CACNG3: variants seen among roughly 807,000 people sequenced by gnomAD.
CACNG3 encodes voltage-dependent calcium channel gamma-3 subunit.
A neutral mutation model predicts 28.5 loss-of-function variants in CACNG3; 3 were observed. That is an observed-to-expected ratio of 0.11 (90% confidence interval 0.05 to 0.27). CACNG3 has a LOEUF of 0.27. CACNG3 is among the 10% of genes least tolerant of loss of function. The pLI, the probability that CACNG3 is intolerant of heterozygous loss-of-function variation, is 1.00. For missense variants in CACNG3, 236 were observed against 414.4 expected (o/e 0.57, Z 3.74); for synonymous variants, 174 against 162.2 (o/e 1.07, Z -0.55).
chr16:24,328,853 C>T (rs765907679), intron 1 of CACNG3, among the ~76,000 whole-genome samples: 12 of 152,186 alleles, frequency 7.9e-5, no homozygotes, highest in East Asian at 1.9e-4. Flanking sequence ...TTCCAAAATG[C>T]GTCTGCGTCC....
Position 24,346,808 on chromosome 16 carries a change from T to C in CACNG3, c.286T>C (p.Tyr96His). 1.4e-5 allele frequency: 23 copies of C among 1,613,934 alleles called. No individual in the cohort carries two copies. Among genetic ancestry groups the C allele is most frequent in the Non-Finnish European group, 1.9e-5 (23 of 1,179,794 alleles). The change falls in exon 2 of 4, where the codon TAT (tyrosine) becomes CAT (histidine). Residue 96 changes from tyrosine (Y) to histidine (H), a missense_variant. Physicochemically the swap from Tyr to His is moderately conservative, Grantham distance 83. Coordinates refer to ENST00000005284, the MANE Select transcript of CACNG3 (RefSeq NM_006539.4). ...TGACTACGAACAGGACACAGCCGAA[T>C]ATCTCCTGCGTAAGTTCCCCGGCTT... The part of the protein sequence containing the change: ...DADYEQDTAE[Y>H]LLRAVRASSV...
At position 24,361,078 on chromosome 16, in the gene CACNG3, G is replaced by A. The variant is rs950865350; in HGVS notation, c.437-274G>A. Among the ~76,000 whole-genome samples the A allele has an allele frequency of 6.6e-6, 1 of 152,160 alleles. No homozygotes were observed. The highest frequency in any genetic ancestry group is 1.5e-5 in the Non-Finnish European group (1 of 68,024). Reference sequence around the variant, plus strand: ...TTGATGAGATGAATTGCTTCTAAGGGAAAAATAAGTGCATTCTGAGTTCTT... The same window carrying A: ...TTGATGAGATGAATTGCTTCTAAGGAAAAAATAAGTGCATTCTGAGTTCTT... On this transcript the variant is annotated intron_variant, in intron 3 of 3. Coordinates refer to ENST00000005284, the MANE Select transcript of CACNG3 (RefSeq NM_006539.4). The surrounding 1 kb of genome is among the most constrained non-coding windows in gnomAD (Gnocchi z 6.8).
intron 1 of CACNG3, among the ~76,000 whole-genome samples, chr16:24,258,453 A>G (rs117325777): frequency 0.012 from 1,810 of 151,982 alleles, 17 homozygotes; most frequent in Non-Finnish European, 0.018. Context: ...ACCCTCTCCA[A>G]CTCTCAGTTT....
At chr16:24,332,502 G>T (rs1329383782) in intron 1 of CACNG3, among the ~76,000 whole-genome samples, 1 of 151,738 alleles carries the variant, frequency 6.6e-6, no homozygotes, top group Non-Finnish European at 1.5e-5. Flanking sequence ...AATAAATCAG[G>T]ATGTGCATCA....
chr16:24,308,576 C>T (rs992779106), intron 1 of CACNG3, among the ~76,000 whole-genome samples: 1 of 151,936 alleles, frequency 6.6e-6, no homozygotes, highest in African/African-American at 2.4e-5. Flanking sequence ...ATTATCAGGC[C>T]AGGCGCCGTG....
intron 1 of CACNG3, among the ~76,000 whole-genome samples, chr16:24,288,112 C>A (rs1036429309): frequency 1.4e-4 from 21 of 152,136 alleles, no homozygotes; most frequent in African/African-American, 4.8e-4. Context: ...TAATTATTCC[C>A]ATTGTATAGA....
chr16:24,312,417 C>A (rs180975507), intron 1 of CACNG3, among the ~76,000 whole-genome samples: 1 of 152,090 alleles, frequency 6.6e-6, no homozygotes, highest in Non-Finnish European at 1.5e-5. Flanking sequence ...TAGCTGTGCT[C>A]TTTAGCATAA....
chr16:24,265,276 AAGGAAGGAAGGG>A (rs1199055742), intron 1 of CACNG3, among the ~76,000 whole-genome samples: 1 of 150,512 alleles, frequency 6.6e-6, no homozygotes, highest in African/African-American at 2.4e-5. Context: ...CGAGAGAAGG[AAGGAAGGAAGGG>A]AGGAAGGAAG....
At chr16:24,315,509 TTTC>T (rs1202910055) in intron 1 of CACNG3, among the ~76,000 whole-genome samples, 4 of 150,934 alleles carry the variant, frequency 2.7e-5, no homozygotes, top group Non-Finnish European at 4.4e-5. Flanking sequence ...GCTTTCTTTC[TTTC>T]TTTTCCTTCT....
At chr16:24,360,433 T>C (rs929695436) in intron 3 of CACNG3, among the ~76,000 whole-genome samples, 1 of 152,204 alleles carries the variant, frequency 6.6e-6, no homozygotes, top group African/African-American at 2.4e-5. Context: ...CCTCGCCCGT[T>C]GGAGGTAACA....
At chr16:24,290,730 C>A (rs767811686) in intron 1 of CACNG3, among the ~76,000 whole-genome samples, 13 of 152,298 alleles carry the variant, frequency 8.5e-5, no homozygotes, top group Admixed American at 3.3e-4. Flanking sequence ...TGAGCCACTA[C>A]ACCCAGCCTA....
intron 1 of CACNG3, among the ~76,000 whole-genome samples, chr16:24,267,334 C>G (rs1227188414): frequency 1.3e-5 from 2 of 152,128 alleles, no homozygotes; most frequent in Non-Finnish European, 2.9e-5. Context: ...ATTGCCCAGG[C>G]TGAAGTTCAG....
At chr16:24,313,490 A>G (rs1567216263) in intron 1 of CACNG3, among the ~76,000 whole-genome samples, 1 of 151,998 alleles carries the variant, frequency 6.6e-6, no homozygotes, top group African/African-American at 2.4e-5. Flanking sequence ...TTACTTATTT[A>G]TATTTGTTTT....
intron 1 of CACNG3, among the ~76,000 whole-genome samples, chr16:24,267,472 G>C (rs188398556): frequency 2.7e-4 from 41 of 152,120 alleles, no homozygotes; most frequent in African/African-American, 9.2e-4. Context: ...ATTTTTTGTA[G>C]AGATGGGGTC....
At chr16:24,340,450 T>G (rs576754465) in intron 1 of CACNG3, among the ~76,000 whole-genome samples, 3 of 152,138 alleles carry the variant, frequency 2.0e-5, no homozygotes, top group Non-Finnish European at 4.4e-5. Context: ...CTAAAAGAGA[T>G]AGATTTGCCA....
intron 1 of CACNG3, among the ~76,000 whole-genome samples, chr16:24,315,217 C>T (rs1490292090): frequency 6.6e-6 from 1 of 152,178 alleles, no homozygotes; most frequent in African/African-American, 2.4e-5. Context: ...TAGTGTCCTA[C>T]TGCCAACTGG....
Position 24,268,379 on chromosome 16 carries a change from A to G in CACNG3, c.211+11414A>G, listed in dbSNP as rs144483753. On this transcript the variant is annotated intron_variant, in intron 1 of 3. Transcript: ENST00000005284. ...TATAAACCACAGTCTCACCCTAATC[A>G]TCACACCACACTGCCTTAATTTAAG... Among the ~76,000 whole-genome samples, 466 of 152,266 alleles carry G rather than the reference A, an allele frequency of 3.1e-3. 4 individuals carry two copies. The highest frequency in any genetic ancestry group is 0.011 in the African/African-American group (441 of 41,544).
chr16:24,288,872 AAC>A (rs143449429), intron 1 of CACNG3, among the ~76,000 whole-genome samples: 60 of 148,302 alleles, frequency 4.0e-4, no homozygotes, highest in Non-Finnish European at 4.8e-4. Context: ...GTGACACATA[AAC>A]ACACACACAC....
At chr16:24,277,600 C>T (rs949671783) in intron 1 of CACNG3, among the ~76,000 whole-genome samples, 10 of 151,956 alleles carry the variant, frequency 6.6e-5, no homozygotes, top group African/African-American at 2.2e-4. Flanking sequence ...AATGGTGAAA[C>T]CCCGTCTCTA....
Sources: allele counts gnomAD v4.1 joint callset (sites outside exome capture counted in the v4.1 genomes callset), GRCh38; gene constraint gnomAD v4.1.1; non-coding constraint Gnocchi (gnomAD v3.1); transcripts MANE v1.5; gene names NCBI Gene and HGNC (gene_info 2026-07-23, HGNC 2026-07-21).